FSHR: variants seen among roughly 807,000 people sequenced by gnomAD.
FSHR encodes the protein follicle-stimulating hormone receptor.
A neutral mutation model predicts 52.1 loss-of-function variants in FSHR; 46 were observed. The ratio of observed to expected loss-of-function variants is 0.88; its 90% CI spans 0.70 to 1.13. The LOEUF is 1.13. Ranked by LOEUF, FSHR falls within the 50% of genes most tolerant of loss-of-function variation. The pLI is 0.00. For synonymous variants in FSHR, 399 were observed against 309.6 expected (o/e 1.29, Z -3.03); for missense variants, 964 against 834.6 (o/e 1.16, Z -1.91).
intron 1 of FSHR, among the ~76,000 whole-genome samples, chr2:49,093,683 C>G (rs1042842415): frequency 6.6e-6 from 1 of 151,234 alleles, no homozygotes; most frequent in Non-Finnish European, 1.5e-5. Flanking sequence ...CAACCTCTGC[C>G]TCCCGGGTTC....
At chr2:49,036,520 T>G (rs1218808238) in intron 2 of FSHR, among the ~76,000 whole-genome samples, 2 of 152,048 alleles carry the variant, frequency 1.3e-5, no homozygotes, top group Non-Finnish European at 2.9e-5. Flanking sequence ...TATATCTATA[T>G]CTATATATAA....
At chr2:49,068,431 C>A (rs928727839) in intron 1 of FSHR, 141 bp from the exon 2 acceptor site, 2 of 717,758 alleles carry the variant, frequency 2.8e-6, no homozygotes, top group Non-Finnish European at 5.0e-6. Flanking sequence ...TACATTCTCT[C>A]TTTTCATCCT....
rs754539288 is a variant in FSHR, at chr2:48,962,780, C to T, written c.2041G>A (p.Gly681Ser). Residue 681 changes from glycine (G) to serine (S), a missense_variant, in exon 10 of 10, where the codon GGT (glycine) becomes AGT (serine). Physicochemically the swap from Gly to Ser is moderately conservative, Grantham distance 56. Coordinates refer to ENST00000406846, the MANE Select transcript of FSHR (RefSeq NM_000145.4). ...AGAGGGACAAGTATGTAAGTGGAAC[C>T]ACTGGTGACTCTGGGAGCTGAAGAG... is the stretch of plus-strand genomic sequence containing the variant. Reference protein sequence around the residue: ...HCSSAPRVTSGSTYILVPLSH... With the variant: ...HCSSAPRVTSSSTYILVPLSH... 4.3e-6 allele frequency: 7 copies of T among 1,613,938 alleles called. No homozygotes were observed. The highest frequency in any genetic ancestry group is 1.7e-6 in the Non-Finnish European group (2 of 1,179,960).
In FSHR at chr2:48,998,795, G is replaced by A. The variant is rs561334112; in HGVS notation, c.375-8158C>T. ...AAAAAAAAGCATATTCCATGAAAAT[G>A]CTTTCTCAAAATATTGTTATTATAT... On this transcript the variant is annotated intron_variant, in intron 4 of 9. Coordinates refer to ENST00000406846, the MANE Select transcript of FSHR (RefSeq NM_000145.4). 3.3e-5 allele frequency among the ~76,000 whole-genome samples: 5 copies of A among 151,938 alleles called. No homozygotes were observed. The South Asian group carries it at 8.3e-4, about 25-fold the overall frequency.
chr2:49,084,899 T>C lies in FSHR; in HGVS notation c.153-16609A>G, dbSNP rs1457959453. ...GTCCAGGACCAGATGGATTCACAGC[T>C]GAATTCTACCAGAGGTACAAGGAGG... On this transcript the variant is annotated intron_variant, in intron 1 of 9. Coordinates refer to ENST00000406846, the MANE Select transcript of FSHR (RefSeq NM_000145.4). Among the ~76,000 whole-genome samples the C allele has an allele frequency of 2.0e-4, 31 of 152,096 alleles. 1 individual carries two copies. Among genetic ancestry groups the C allele is most frequent in the African/African-American group, 5.8e-4 (24 of 41,508 alleles).
intron 6 of FSHR, 47 bp downstream of exon 6, chr2:48,988,930 A>T: frequency 6.6e-7 from 1 of 1,507,444 alleles, no homozygotes; most frequent in Non-Finnish European, 9.2e-7. Flanking sequence ...AGATCACTAA[A>T]TGAAAAATCA....
At chr2:49,124,722 A>G (rs1326155444) in intron 1 of FSHR, among the ~76,000 whole-genome samples, 1 of 151,204 alleles carries the variant, frequency 6.6e-6, no homozygotes, top group African/African-American at 2.4e-5. Context: ...TGATCCATCA[A>G]CTCCTCTCAA....
At chr2:49,016,968 G>A (rs1186681604) in intron 4 of FSHR, among the ~76,000 whole-genome samples, 1 of 152,144 alleles carries the variant, frequency 6.6e-6, no homozygotes, top group African/African-American at 2.4e-5. Flanking sequence ...TTTGAGTAGA[G>A]GAAGCAGTGC....
intron 4 of FSHR, among the ~76,000 whole-genome samples, chr2:49,002,552 G>T (rs1666936104): frequency 1.3e-5 from 2 of 152,032 alleles, no homozygotes; most frequent in Admixed American, 6.6e-5. Flanking sequence ...TTCACATGGT[G>T]GCAGCAAGAA....
chr2:49,008,489 G>A (rs1442171941), intron 4 of FSHR, among the ~76,000 whole-genome samples: 17 of 152,040 alleles, frequency 1.1e-4, no homozygotes, highest in South Asian at 8.3e-4. Context: ...ATAAACATAC[G>A]TGTGCATGTG....
chr2:49,114,846 A>G (rs1671544028), intron 1 of FSHR, among the ~76,000 whole-genome samples: 1 of 152,096 alleles, frequency 6.6e-6, no homozygotes. Flanking sequence ...GAATATTGTT[A>G]CAATGATCAT....
At chr2:48,966,063 G>C (rs988161483) in intron 9 of FSHR, among the ~76,000 whole-genome samples, 1 of 152,120 alleles carries the variant, frequency 6.6e-6, no homozygotes, top group African/African-American at 2.4e-5. Context: ...GGTCAGTGTA[G>C]GTCAAGTTAT....
intron 2 of FSHR, among the ~76,000 whole-genome samples, chr2:49,039,458 A>G (rs888868791): frequency 6.6e-6 from 1 of 152,214 alleles, no homozygotes; most frequent in South Asian, 2.1e-4. Flanking sequence ...AGAGCAGTAT[A>G]CAAAGGTCAA....
intron 2 of FSHR, among the ~76,000 whole-genome samples, chr2:49,033,696 C>A (rs113144216): frequency 3.9e-5 from 6 of 152,102 alleles, no homozygotes; most frequent in East Asian, 3.9e-4. Context: ...CCTCCTCCCC[C>A]CTGTTCCCTA....
chr2:49,036,583 G>C (rs1003328658), intron 2 of FSHR, among the ~76,000 whole-genome samples: 2 of 152,124 alleles, frequency 1.3e-5, no homozygotes, highest in Non-Finnish European at 2.9e-5. Flanking sequence ...CCTTTGGTGT[G>C]TGTGTTCTCA....
At chr2:49,068,886 C>A (rs1669617292) in intron 1 of FSHR, among the ~76,000 whole-genome samples, 2 of 152,066 alleles carry the variant, frequency 1.3e-5, no homozygotes, top group Non-Finnish European at 2.9e-5. Flanking sequence ...GTCCCAGTAA[C>A]CACTATGACA....
At chr2:49,002,871 C>G (rs1666953789) in intron 4 of FSHR, among the ~76,000 whole-genome samples, 2 of 152,096 alleles carry the variant, frequency 1.3e-5, no homozygotes, top group Admixed American at 6.5e-5. Flanking sequence ...TCCCTGATGT[C>G]TTGCTAAGTG....
intron 9 of FSHR, among the ~76,000 whole-genome samples, chr2:48,965,559 C>T (rs1439966864): frequency 6.6e-6 from 1 of 152,128 alleles, no homozygotes; most frequent in Non-Finnish European, 1.5e-5. Flanking sequence ...CTCTTAAACC[C>T]TGTTACTGAA....
At chr2:49,049,260 A>T (rs1227203630) in intron 2 of FSHR, among the ~76,000 whole-genome samples, 2 of 152,198 alleles carry the variant, frequency 1.3e-5, no homozygotes, top group Non-Finnish European at 2.9e-5. Flanking sequence ...GGAAGGTCTC[A>T]CACACAGCTT....
Sources: allele counts gnomAD v4.1 joint callset (sites outside exome capture counted in the v4.1 genomes callset), GRCh38; gene constraint gnomAD v4.1.1; transcripts MANE v1.5; gene names NCBI Gene and HGNC (gene_info 2026-07-23, HGNC 2026-07-21).